The following PRKCQ variants were observed in gnomAD, a reference collection of about 807,000 sequenced individuals.
The protein encoded by PRKCQ is protein kinase C theta.
Under a neutral mutation model 91.2 loss-of-function variants are expected in PRKCQ, and 41 were observed. The observed-to-expected ratio is 0.45, with a 90% CI of 0.35 to 0.58. The LOEUF (loss-of-function observed/expected upper bound fraction) is 0.58, where lower values mean the gene tolerates loss of function less well. Ranked by LOEUF, PRKCQ falls within the 20% of genes least tolerant of loss-of-function variation. The probability of loss-of-function intolerance (pLI) is 0.00; values close to 1 mark genes in which losing one functional copy is unlikely to be tolerated. For missense variants in PRKCQ, 673 were observed against 896.5 expected, an observed-to-expected ratio of 0.75 and a Z score of 3.18; for synonymous variants, 307 against 316.9, an observed-to-expected ratio of 0.97 and a Z score of 0.33.
chr10:6,470,457 G>A lies in PRKCQ; in HGVS notation c.1354-6053C>T, dbSNP rs1240526816. 5.3e-5 allele frequency among the ~76,000 whole-genome samples: 8 copies of A among 152,170 alleles called. No individual in the cohort carries two copies. In the East Asian group the frequency reaches 1.3e-3, roughly 26 times the overall value. The stretch of plus-strand genomic sequence containing the variant: ...GAACTGTAATCACCTCAAATACAAC[G>A]TAATGTTGGGTCTAATAAGGAAACT... On this transcript the variant is annotated intron_variant, in intron 12 of 17. Coordinates refer to ENST00000263125, the MANE Select transcript of PRKCQ (RefSeq NM_006257.5).
intron 13 of PRKCQ, among the ~76,000 whole-genome samples, chr10:6,463,969 C>T (rs3793726): frequency 0.064 from 9,689 of 152,270 alleles, 585 homozygotes; most frequent in East Asian, 0.34. Flanking sequence ...GCCTCAGCTA[C>T]AAGCTCCATC....
rs763773685 is a variant in PRKCQ at position 6,485,226 on chromosome 10, G to A, written c.944C>T (p.Pro315Leu). Residue 315 changes from proline to leucine, a missense_variant, in exon 10 of 18, where the codon CCG becomes CTG. Transcript: ENST00000263125. ...GGAGCATGGGAGACCAATTTCAACCGGACCTTCTCTGAAGATCTGTTCAGT... is the reference window on the plus strand; with the variant it reads ...GGAGCATGGGAGACCAATTTCAACCAGACCTTCTCTGAAGATCTGTTCAGT... ...RDTEQIFREG[P>L]VEIGLPCSIK... is the part of the protein sequence containing the mutation. 3.7e-6 allele frequency: 6 copies of A among 1,613,850 alleles called. No homozygotes were observed. The highest frequency in any genetic ancestry group is 1.6e-4 in the Middle Eastern group (1 of 6,084).
intron 1 of PRKCQ, among the ~76,000 whole-genome samples, chr10:6,551,328 C>G (rs1239848809): frequency 6.6e-6 from 1 of 152,060 alleles, no homozygotes; most frequent in Non-Finnish European, 1.5e-5. Context: ...TGCAAAAGTC[C>G]TGGTCTCATG....
At chr10:6,444,097 G>T (rs1834110802) in intron 15 of PRKCQ, among the ~76,000 whole-genome samples, 1 of 152,132 alleles carries the variant, frequency 6.6e-6, no homozygotes, top group Admixed American at 6.5e-5. Context: ...TTGAAATGGA[G>T]TCTCGCTCTG....
intron 8 of PRKCQ, among the ~76,000 whole-genome samples, chr10:6,486,533 T>A (rs978469818): frequency 2.0e-5 from 3 of 152,216 alleles, no homozygotes; most frequent in African/African-American, 7.2e-5. Context: ...TAAATAGGAT[T>A]GCAGCACTGC....
chr10:6,431,421 CAT>C (rs1454704547), intron 16 of PRKCQ, among the ~76,000 whole-genome samples: 2 of 151,766 alleles, frequency 1.3e-5, no homozygotes, highest in African/African-American at 4.8e-5. Flanking sequence ...CACGTGCAGA[CAT>C]ACATACACAT....
At chr10:6,410,844 G>A in the PRKCQ span, among the ~76,000 whole-genome samples, 18 of 152,188 alleles carry the variant, frequency 1.2e-4, no homozygotes, top group South Asian at 6.2e-4. Flanking sequence ...CCAGCTGGGC[G>A]TGGTGGCGGG....
chr10:6,456,605 GGGCTAAAGAAGCAATGGCATGT>G (rs2132309013), intron 15 of PRKCQ, 47 bp downstream of exon 15: 1 of 1,553,008 alleles, frequency 6.4e-7, no homozygotes, highest in East Asian at 2.3e-5. Context: ...TGATTTTCAG[GGGCTAAAGAAGCAATGGCATGT>G]GGCCAGGGCA....
At chr10:6,407,983 CA>C in the PRKCQ span, among the ~76,000 whole-genome samples, 1 of 146,362 alleles carries the variant, frequency 6.8e-6, no homozygotes, top group African/African-American at 2.6e-5. This position sits in a 1 kb window ranked among gnomAD's most constrained non-coding sequence, Gnocchi z 4.0. Context: ...AGAAAATTAA[CA>C]TTAATGTTTA....
At chr10:6,572,362 T>A (rs1018327984) in intron 1 of PRKCQ, among the ~76,000 whole-genome samples, 2 of 152,140 alleles carry the variant, frequency 1.3e-5, no homozygotes, top group Non-Finnish European at 2.9e-5. Flanking sequence ...ATTAGCTACT[T>A]TTCCTAATGC....
intron 1 of PRKCQ, among the ~76,000 whole-genome samples, chr10:6,518,726 C>A (rs1012358988): frequency 6.6e-5 from 10 of 151,976 alleles, no homozygotes; most frequent in African/African-American, 2.4e-4. Flanking sequence ...GAGGCTGAGG[C>A]AGGGGAATCG....
At chr10:6,418,807 T>C in the PRKCQ span, among the ~76,000 whole-genome samples, 28 of 152,224 alleles carry the variant, frequency 1.8e-4, no homozygotes. Context: ...TCTACCTACC[T>C]ACCTATCAAT....
chr10:6,553,513 A>AAAATT (rs1564390106), intron 1 of PRKCQ, among the ~76,000 whole-genome samples: 2 of 87,728 alleles, frequency 2.3e-5, no homozygotes, highest in Non-Finnish European at 4.9e-5. Context: ...AAAAAAAAAA[A>AAAATT]AAAACAAACA....
At chr10:6,527,868 G>A (rs1206325910) in intron 1 of PRKCQ, among the ~76,000 whole-genome samples, 3 of 152,158 alleles carry the variant, frequency 2.0e-5, no homozygotes, top group African/African-American at 7.2e-5. Context: ...TGCAACCTAA[G>A]CTTAACTTCT....
chr10:6,549,983 T>C (rs909166777), intron 1 of PRKCQ, among the ~76,000 whole-genome samples: 4 of 152,156 alleles, frequency 2.6e-5, no homozygotes, highest in Non-Finnish European at 4.4e-5. Flanking sequence ...GTGTTCTGTA[T>C]ATTCACATTG....
the PRKCQ span, among the ~76,000 whole-genome samples, chr10:6,420,192 T>C: frequency 6.6e-6 from 1 of 152,200 alleles, no homozygotes; most frequent in Non-Finnish European, 1.5e-5. Context: ...TTTCACCATA[T>C]TGGTCAAGCT....
At chr10:6,572,693 A>G (rs1427464998) in intron 1 of PRKCQ, among the ~76,000 whole-genome samples, 2 of 152,200 alleles carry the variant, frequency 1.3e-5, no homozygotes, top group African/African-American at 4.8e-5. Flanking sequence ...TAATGAACAT[A>G]CGTGTGCATG....
chr10:6,457,896 C>G (rs1200713954), intron 14 of PRKCQ, among the ~76,000 whole-genome samples: 1 of 151,654 alleles, frequency 6.6e-6, no homozygotes. Context: ...TCATTCTGTA[C>G]TTGTGAAATT....
Position 6,496,687 on chromosome 10 carries a change from CTTTTT to C in PRKCQ, c.660+343_660+347del, listed in dbSNP as rs1438044747. 8.9e-5 allele frequency among the ~76,000 whole-genome samples: 12 copies of C among 135,496 alleles called. No homozygotes were observed. The East Asian group carries it at 2.6e-3, about 29-fold the overall frequency. 88.9% of individuals were successfully genotyped at this position (135,496 alleles called of 152,430 possible). A position where few individuals can be genotyped will look rare whatever the true frequency, so the allele number is the denominator to read the frequency against. On this transcript the variant is annotated intron_variant, in intron 7 of 17. Transcript: ENST00000263125. ...CAGATTTCTTTTTTTTTTTTCTTTT[CTTTTT>C]GAGATGGAGTCTCACTCTGTTGCCC...
Sources: allele counts gnomAD v4.1 joint callset (sites outside exome capture counted in the v4.1 genomes callset), GRCh38; gene constraint gnomAD v4.1.1; non-coding constraint Gnocchi (gnomAD v3.1); transcripts MANE v1.5; gene names NCBI Gene and HGNC (gene_info 2026-07-23, HGNC 2026-07-21).